FGF14: variants seen among roughly 807,000 people sequenced by gnomAD.
The protein encoded by FGF14 is fibroblast growth factor homologous factor 4.
In FGF14, 5 loss-of-function variants were observed where a neutral mutation model predicts 25.5. The observed-to-expected ratio is 0.20, with a 90% confidence interval of 0.10 to 0.41. The LOEUF (loss-of-function observed/expected upper bound fraction) is 0.41, where lower values mean the gene tolerates loss of function less well. Among genes scored for constraint, FGF14 ranks in the 10% least tolerant of loss-of-function variants. The pLI, the probability that FGF14 is intolerant of heterozygous loss-of-function variation, is 1.00. For synonymous variants in FGF14, 138 were observed against 118.3 expected, an observed-to-expected ratio of 1.17 and a Z score of -1.08; for missense variants, 222 against 320.1, an observed-to-expected ratio of 0.69 and a Z score of 2.34.
intron 1 of FGF14, among the ~76,000 whole-genome samples, chr13:102,244,855 TA>T (rs2141042861): frequency 6.6e-6 from 1 of 152,052 alleles, no homozygotes; most frequent in South Asian, 2.1e-4. Context: ...TTAACACACA[TA>T]AATACACAGA....
intron 3 of FGF14, among the ~76,000 whole-genome samples, chr13:101,783,093 A>G (rs2140039943): frequency 1.3e-5 from 2 of 152,076 alleles, no homozygotes; most frequent in East Asian, 3.9e-4. Flanking sequence ...ATGGTATCTC[A>G]TTGTGGTTTT....
At chr13:101,773,128 A>G (rs552257786) in intron 3 of FGF14, among the ~76,000 whole-genome samples, 6 of 152,284 alleles carry the variant, frequency 3.9e-5, no homozygotes, top group Admixed American at 2.0e-4. Context: ...GATGCCTATC[A>G]GTAAATATCA....
intron 1 of FGF14, among the ~76,000 whole-genome samples, chr13:102,030,186 T>C (rs943152300): frequency 1.5e-4 from 23 of 152,226 alleles, no homozygotes; most frequent in African/African-American, 5.1e-4. Flanking sequence ...TATTTGTCTA[T>C]GGATAATTTG....
At chr13:101,850,510 ATATAGAAT>A (rs1374322752) in intron 3 of FGF14, among the ~76,000 whole-genome samples, 33 of 2,824 alleles carry the variant, frequency 0.012, 9 homozygotes, top group African/African-American at 0.014. Context: ...ATATATATAT[ATATAGAAT>A]TATATATTCT....
intron 1 of FGF14, among the ~76,000 whole-genome samples, chr13:102,331,300 G>A (rs1020884003): frequency 2.0e-5 from 3 of 152,044 alleles, no homozygotes; most frequent in Admixed American, 6.6e-5. Flanking sequence ...GGCCCCTAAA[G>A]ACATAGTTTC....
rs1457656743 is a variant in FGF14 at position 102,081,925 on chromosome 13, C to CA, written c.209-206630dup. 2.6e-5 allele frequency among the ~76,000 whole-genome samples: 4 copies of CA among 152,036 alleles called. No homozygotes were observed. The East Asian group carries it at 7.7e-4, about 29-fold the overall frequency. On this transcript the variant is annotated intron_variant, in intron 1 of 4. Transcript: ENST00000376131. ...TTAGTTTCTATAAATGGAATCATAC[C>CA]AATACAGCAATATTTTGTTTCAACT...
intron 1 of FGF14, among the ~76,000 whole-genome samples, chr13:102,168,996 G>A (rs2048131801): frequency 6.6e-6 from 1 of 151,546 alleles, no homozygotes; most frequent in South Asian, 2.1e-4. Flanking sequence ...TCCAGAACAG[G>A]GAGACAGAGA....
intron 1 of FGF14, among the ~76,000 whole-genome samples, chr13:102,345,696 T>C (rs2057085777): frequency 6.6e-6 from 1 of 152,234 alleles, no homozygotes; most frequent in Non-Finnish European, 1.5e-5. Context: ...CAGTATGAGT[T>C]TACTAAACAT....
At chr13:101,767,994 G>T (rs1368786422) in intron 3 of FGF14, among the ~76,000 whole-genome samples, 1 of 124,356 alleles carries the variant, frequency 8.0e-6, no homozygotes, top group Non-Finnish European at 1.9e-5. Flanking sequence ...GCCCATATTT[G>T]TATTTCATTG....
At chr13:102,047,495 A>G (rs182021548) in intron 1 of FGF14, among the ~76,000 whole-genome samples, 1 of 152,356 alleles carries the variant, frequency 6.6e-6, no homozygotes, top group Non-Finnish European at 1.5e-5. Flanking sequence ...AATACTATGC[A>G]GCCATAAAAA....
chr13:102,226,675 C>T (rs1235625527), intron 1 of FGF14, among the ~76,000 whole-genome samples: 1 of 152,012 alleles, frequency 6.6e-6, no homozygotes, highest in Non-Finnish European at 1.5e-5. Flanking sequence ...CCTTTTAGTT[C>T]TCATTGTACC....
intron 1 of FGF14, among the ~76,000 whole-genome samples, chr13:102,137,952 T>TCA (rs112793355): frequency 6.7e-6 from 1 of 149,108 alleles, no homozygotes; most frequent in African/African-American, 2.5e-5. Context: ...GACTGGGATT[T>TCA]CAGGTGGCCT....
chr13:102,326,649 A>AAAGGGAGGAGAAGGGAGGG (rs2056435502), intron 1 of FGF14, among the ~76,000 whole-genome samples: 1 of 100,846 alleles, frequency 9.9e-6, no homozygotes, highest in Non-Finnish European at 1.9e-5. Context: ...GAAAGGGAGG[A>AAAGGGAGGAGAAGGGAGGG]GAAGGGAGGG....
At chr13:102,235,229 T>C (rs1353971627) in intron 1 of FGF14, among the ~76,000 whole-genome samples, 1 of 152,248 alleles carries the variant, frequency 6.6e-6, no homozygotes, top group South Asian at 2.1e-4. Context: ...TGTTTAATCA[T>C]GCCAAACAAT....
chr13:102,218,031 C>T (rs1172772989), intron 1 of FGF14, among the ~76,000 whole-genome samples: 1 of 152,070 alleles, frequency 6.6e-6, no homozygotes, highest in South Asian at 2.1e-4. Flanking sequence ...AAATTCTGCC[C>T]GTTTCAAGAG....
At chr13:101,831,235 A>T (rs1228553064) in intron 3 of FGF14, among the ~76,000 whole-genome samples, 1 of 145,196 alleles carries the variant, frequency 6.9e-6, no homozygotes, top group African/African-American at 2.5e-5. Flanking sequence ...TACATATGTT[A>T]GTTACTATTT....
chr13:102,167,428 T>C (rs2140650051), intron 1 of FGF14, among the ~76,000 whole-genome samples: 1 of 152,046 alleles, frequency 6.6e-6, no homozygotes, highest in Middle Eastern at 3.4e-3. Context: ...GATTTGCTCA[T>C]AGTCACTGGA....
chr13:101,979,287 T>A (rs1270946385), intron 1 of FGF14, among the ~76,000 whole-genome samples: 2 of 152,222 alleles, frequency 1.3e-5, no homozygotes, highest in Non-Finnish European at 2.9e-5. Context: ...TAGAACAATA[T>A]CAAGTATGAT....
chr13:101,752,811 C>T (rs2037376836), intron 3 of FGF14, among the ~76,000 whole-genome samples: 1 of 152,030 alleles, frequency 6.6e-6, no homozygotes, highest in Admixed American at 6.6e-5. Context: ...GAACAGCATC[C>T]CAAGTAGGCT....
Sources: gnomAD v4.1 joint callset for allele counts (sites outside exome capture counted in the v4.1 genomes callset) on GRCh38, gnomAD v4.1.1 for gene constraint, MANE v1.5 for transcripts, NCBI Gene and HGNC (gene_info 2026-07-23, HGNC 2026-07-21) for gene names.